Variants in AK9 observed in about 807,000 individuals in gnomAD.
The protein encoded by AK9 is adenylate kinase 9.
Under a neutral mutation model 239.6 loss-of-function variants are expected in AK9, and 191 were observed. That is an observed-to-expected ratio of 0.80 (90% CI 0.71 to 0.90). The LOEUF is 0.90. Ranked by LOEUF, AK9 falls within the 40% of genes least tolerant of loss-of-function variation. The pLI is 0.00. For synonymous variants in AK9, 689 were observed against 721.0 expected (o/e 0.96, Z 0.71); for missense variants, 1,995 against 2,214.7 (o/e 0.90, Z 1.99).
intron 17 of AK9, among the ~76,000 whole-genome samples, chr6:109,592,149 C>A (rs544159569): frequency 6.7e-6 from 1 of 150,374 alleles, no homozygotes; most frequent in Non-Finnish European, 1.5e-5. Flanking sequence ...TTTCAGCAAT[C>A]GAAAATTACT....
chr6:109,517,741 G>A (rs1340839408), intron 29 of AK9, among the ~76,000 whole-genome samples: 2 of 152,146 alleles, frequency 1.3e-5, no homozygotes, highest in Non-Finnish European at 2.9e-5. Flanking sequence ...CTGAGAAAAC[G>A]AGAATAATAC....
intron 36 of AK9, among the ~76,000 whole-genome samples, 170 bp from the exon 37 acceptor site, chr6:109,498,135 C>T (rs1034068719): frequency 2.0e-5 from 3 of 152,186 alleles, no homozygotes; most frequent in Admixed American, 2.0e-4. Flanking sequence ...CAGGAATACT[C>T]CCAAGTGATC....
At position 109,645,907 on chromosome 6, in the gene AK9, T is replaced by G. The variant is rs2128293841; in HGVS notation, c.760-1219A>C. ...TTTGCTGTTCTGCAATATTTGATGT[T>G]CTGTTCTACAGCGTTCGCTGGTGAT... On this transcript the variant is annotated intron_variant, in intron 8 of 40. Coordinates refer to ENST00000424296, the MANE Select transcript of AK9 (RefSeq NM_001145128.3). 2.0e-5 allele frequency among the ~76,000 whole-genome samples: 3 copies of G among 152,360 alleles called. No homozygotes were observed. In the Middle Eastern group the frequency reaches 0.01, roughly 518 times the overall value.
intron 18 of AK9, 93 bp downstream of exon 18, chr6:109,585,823 T>C (rs1326467039): frequency 8.2e-6 from 10 of 1,215,086 alleles, no homozygotes; most frequent in Admixed American, 2.8e-5. Flanking sequence ...TATTTCTATC[T>C]AGGAAGAGTG....
chr6:109,552,814 T>C (rs1784522438), intron 24 of AK9, among the ~76,000 whole-genome samples: 5 of 152,248 alleles, frequency 3.3e-5, no homozygotes, highest in Non-Finnish European at 4.4e-5. Flanking sequence ...CTAGGTTTTC[T>C]TCTACGTTTT....
intron 28 of AK9, among the ~76,000 whole-genome samples, chr6:109,532,279 C>T (rs530247674): frequency 6.6e-6 from 1 of 152,324 alleles, no homozygotes; most frequent in East Asian, 1.9e-4. Context: ...ATGAAATATA[C>T]TTTCCCTGTA....
chr6:109,621,913 C>CA (rs758683676), intron 12 of AK9, among the ~76,000 whole-genome samples: 6 of 70,292 alleles, frequency 8.5e-5, no homozygotes, highest in African/African-American at 3.1e-4. Flanking sequence ...AAAAAAAAAA[C>CA]AAAAAAAAAA....
At chr6:109,634,517 T>C (rs181605239) in intron 10 of AK9, among the ~76,000 whole-genome samples, 8 of 152,352 alleles carry the variant, frequency 5.3e-5, no homozygotes, top group African/African-American at 1.9e-4. Context: ...ACATGATATA[T>C]GCTTGCTTCA....
intron 13 of AK9, among the ~76,000 whole-genome samples, chr6:109,615,922 C>T (rs998724830): frequency 5.4e-5 from 4 of 73,880 alleles, no homozygotes; most frequent in Non-Finnish European, 7.7e-5. Flanking sequence ...AATAAACAAA[C>T]AAAAGTAAAA....
intron 8 of AK9, among the ~76,000 whole-genome samples, chr6:109,645,058 A>G (rs1198050897): frequency 6.6e-6 from 1 of 152,230 alleles, no homozygotes; most frequent in Non-Finnish European, 1.5e-5. Context: ...AGATACTAGC[A>G]TCATTTAGAA....
chr6:109,510,444 G>A (rs1778611549), intron 32 of AK9, among the ~76,000 whole-genome samples: 1 of 152,072 alleles, frequency 6.6e-6, no homozygotes, highest in Admixed American at 6.5e-5. Context: ...ACCAGTTGCA[G>A]AGAGGAACTA....
intron 1 of AK9, among the ~76,000 whole-genome samples, chr6:109,677,266 T>A (rs968499179): frequency 2.0e-5 from 3 of 152,082 alleles, no homozygotes; most frequent in Non-Finnish European, 4.4e-5. Context: ...TAAAATGATA[T>A]AGCAAAAATA....
intron 5 of AK9, among the ~76,000 whole-genome samples, chr6:109,671,407 A>G (rs1779266351): frequency 6.6e-6 from 1 of 152,162 alleles, no homozygotes; most frequent in African/African-American, 2.4e-5. Flanking sequence ...TTAGATCCAA[A>G]GCCCTTGCTC....
Position 109,672,170 on chromosome 6 carries a change from A to T in AK9, c.182-3T>A. The T allele has an allele frequency of 6.2e-7, 1 of 1,610,636 alleles. No individual in the cohort carries two copies. Among genetic ancestry groups the T allele is most frequent in the Non-Finnish European group, 8.5e-7 (1 of 1,178,006 alleles). The stretch of plus-strand genomic sequence containing the variant: ...CTGTTCTTCTAAAATTGGCAAAGCT[A>T]AAACATGAATTCAAAATATTAATAC... On this transcript the variant is annotated splice_polypyrimidine_tract_variant and splice_region_variant and intron_variant, in intron 3 of 40. Transcript: ENST00000424296.
chr6:109,586,129 C>A, intron 17 of AK9, 57 bp from the exon 18 acceptor site: 1 of 1,329,128 alleles, frequency 7.5e-7, no homozygotes, highest in Non-Finnish European at 9.9e-7. Flanking sequence ...AAGGATGCAA[C>A]CTTGATATGT....
At position 109,564,098 on chromosome 6, in the gene AK9, CT is replaced by C; in HGVS notation, c.2616del (p.Val873Ter). On this transcript the variant is annotated frameshift_variant, in exon 23 of 41. Coordinates refer to ENST00000424296, the MANE Select transcript of AK9 (RefSeq NM_001145128.3). LOFTEE classifies it high-confidence loss of function. ...CCCTTACTTTCCATAGTCTCAACTA[CT>C]TTTTGAAGTAATTCCTGTGGAGTTC... ...ADRTPQELLQ[K>X]VVETMEKPFQ... is the part of the protein sequence containing the mutation. 2 of 1,551,068 alleles carry C rather than the reference CT, an allele frequency of 1.3e-6. No individual in the cohort carries two copies. The highest frequency in any genetic ancestry group is 1.7e-6 in the Non-Finnish European group (2 of 1,146,766).
chr6:109,526,095 A>G (rs1047877569), intron 29 of AK9, among the ~76,000 whole-genome samples: 3 of 152,140 alleles, frequency 2.0e-5, no homozygotes, highest in Non-Finnish European at 2.9e-5. Flanking sequence ...GTGCACATGG[A>G]CACAAAGAGG....
At chr6:109,637,695 G>A (rs1796897084) in intron 10 of AK9, among the ~76,000 whole-genome samples, 1 of 151,994 alleles carries the variant, frequency 6.6e-6, no homozygotes, top group Admixed American at 6.6e-5. Flanking sequence ...GTCAGGGCTG[G>A]GACCCACTGC....
At chr6:109,535,712 T>A (rs1781883265) in intron 27 of AK9, among the ~76,000 whole-genome samples, 1 of 152,196 alleles carries the variant, frequency 6.6e-6, no homozygotes, top group Non-Finnish European at 1.5e-5. Flanking sequence ...TTGCCTAGGT[T>A]TCCTTCTAGG....
Sources: allele counts gnomAD v4.1 joint callset (sites outside exome capture counted in the v4.1 genomes callset), GRCh38; gene constraint gnomAD v4.1.1; transcripts MANE v1.5; gene names NCBI Gene and HGNC (gene_info 2026-07-23, HGNC 2026-07-21).